AFF1: variants seen among roughly 807,000 people sequenced by gnomAD.
AFF1 encodes the protein AF4/FMR2 family member 1.
Under a neutral mutation model 121.7 loss-of-function variants are expected in AFF1, and 48 were observed. The observed-to-expected ratio is 0.39, with a 90% CI of 0.31 to 0.50. AFF1 has a LOEUF of 0.50. AFF1 is among the 20% of genes least tolerant of loss of function. The pLI, the probability that AFF1 is intolerant of heterozygous loss-of-function variation, is 0.76. For synonymous variants in AFF1, 613 were observed against 563.0 expected (o/e 1.09, Z -1.26); for missense variants, 1,523 against 1,511.7 (o/e 1.01, Z -0.12).
intron 2 of AFF1, among the ~76,000 whole-genome samples, chr4:86,952,953 AC>A (rs1721473762): frequency 1.4e-5 from 1 of 69,916 alleles, no homozygotes; most frequent in African/African-American, 5.1e-5. Flanking sequence ...GTTCCCCTCC[AC>A]CCCCACTACC....
intron 1 of AFF1, among the ~76,000 whole-genome samples, chr4:86,937,806 T>C (rs891462066): frequency 2.9e-4 from 44 of 151,516 alleles, no homozygotes; most frequent in African/African-American, 1.0e-3. Context: ...GGGGGCTCCC[T>C]ATGTTACCCA....
chr4:86,941,986 A>G (rs903703985), intron 1 of AFF1, among the ~76,000 whole-genome samples: 3 of 152,000 alleles, frequency 2.0e-5, no homozygotes, highest in African/African-American at 7.3e-5. Context: ...CAATATAGCA[A>G]TATCTTCTTT....
intron 2 of AFF1, among the ~76,000 whole-genome samples, chr4:87,013,512 A>G (rs968683149): frequency 3.3e-5 from 5 of 152,158 alleles, no homozygotes; most frequent in African/African-American, 4.8e-5. Flanking sequence ...ATGTTTTCAA[A>G]GGGCACTCAC....
In AFF1 at chr4:87,008,807, G is replaced by A. The variant is rs143540770; in HGVS notation, c.39-37359G>A. Among the ~76,000 whole-genome samples, 601 of 152,228 alleles carry A rather than the reference G, an allele frequency of 3.9e-3. 5 individuals are homozygous for A. The highest frequency in any genetic ancestry group is 0.014 in the African/African-American group (578 of 41,552). On this transcript the variant is annotated intron_variant, in intron 2 of 20. Transcript: ENST00000395146. ...TTATCTTGCTTAATTCAGTAGTAAA[G>A]AAAAACACTACTGTACCATTGATTT...
In AFF1 at chr4:86,948,544, CAGAA is replaced by C. The variant is rs1311148941; in HGVS notation, c.15_18del (p.Arg6SerfsTer68). ...CATTGACTGGAAACAATGGCATTTACAGAAAGAGTCAACAGCAGTGGCAACAGGT... is the reference window on the plus strand; with the variant it reads ...CATTGACTGGAAACAATGGCATTTACAGAGTCAACAGCAGTGGCAACAGGT... On this transcript the variant is annotated frameshift_variant, in exon 2 of 21. Coordinates refer to ENST00000395146, the MANE Select transcript of AFF1 (RefSeq NM_001166693.3). LOFTEE classifies it high-confidence loss of function. 6.5e-7 allele frequency: 1 copy of C among 1,536,878 alleles called. No homozygotes were observed. The highest frequency in any genetic ancestry group is 8.7e-7 in the Non-Finnish European group (1 of 1,146,686).
chr4:87,058,462 C>T (rs1372584207), intron 4 of AFF1, among the ~76,000 whole-genome samples: 1 of 152,100 alleles, frequency 6.6e-6, no homozygotes, highest in Non-Finnish European at 1.5e-5. Flanking sequence ...TCCTACCTTT[C>T]AGAGAAGGAA....
chr4:87,004,117 C>A (rs1032166133), intron 2 of AFF1, among the ~76,000 whole-genome samples: 1 of 152,192 alleles, frequency 6.6e-6, no homozygotes, highest in African/African-American at 2.4e-5. Context: ...CAACTAGGAT[C>A]TGGAGTCTGT....
intron 5 of AFF1, among the ~76,000 whole-genome samples, chr4:87,087,059 A>T (rs1469090755): frequency 6.6e-6 from 1 of 152,222 alleles, no homozygotes; most frequent in Non-Finnish European, 1.5e-5. Flanking sequence ...TGGTGGGTGC[A>T]TGGAGACACC....
intron 2 of AFF1, among the ~76,000 whole-genome samples, chr4:86,995,460 C>T (rs1190812848): frequency 1.3e-5 from 2 of 151,104 alleles, no homozygotes; most frequent in African/African-American, 2.4e-5. Flanking sequence ...TGCAGGCGCG[C>T]GCCGCCACGC....
chr4:86,962,723 C>G (rs1463925304), intron 2 of AFF1, among the ~76,000 whole-genome samples: 1 of 152,118 alleles, frequency 6.6e-6, no homozygotes, highest in Non-Finnish European at 1.5e-5. Flanking sequence ...GATGATGAGT[C>G]TGATTTTTGT....
At chr4:87,072,528 A>G (rs1236180802) in intron 4 of AFF1, among the ~76,000 whole-genome samples, 2 of 151,526 alleles carry the variant, frequency 1.3e-5, no homozygotes, top group Admixed American at 1.3e-4. Context: ...TTATTTTTAT[A>G]TTTATATTTT....
At chr4:87,008,486 A>C (rs112565439) in intron 2 of AFF1, among the ~76,000 whole-genome samples, 2 of 152,176 alleles carry the variant, frequency 1.3e-5, no homozygotes, top group East Asian at 3.8e-4. Flanking sequence ...TCTTCTCAAC[A>C]CAGTGGTTTA....
In AFF1 at chr4:87,010,712, C is replaced by T. The variant is rs557060415; in HGVS notation, c.39-35454C>T. Among the ~76,000 whole-genome samples the T allele has an allele frequency of 1.1e-4, 16 of 152,308 alleles. No individual in the cohort carries two copies. The South Asian group carries it at 2.3e-3, about 22-fold the overall frequency. ...TTTGCCTGATTCCCACCTCCGCTAA[C>T]CCTCTCATTGAAGCAGATCCCTGAA... On this transcript the variant is annotated intron_variant, in intron 2 of 20. Coordinates refer to ENST00000395146, the MANE Select transcript of AFF1 (RefSeq NM_001166693.3).
chr4:87,084,550 CAATAAATAAATAAATAAATAAATA>C (rs58068934), intron 5 of AFF1, among the ~76,000 whole-genome samples: 114 of 136,956 alleles, frequency 8.3e-4, no homozygotes, highest in African/African-American at 1.8e-3. Context: ...ACTATGTCTC[CAATAAATAAATAAATAAATAAATA>C]AATAAATAAA....
chr4:87,027,592 T>A (rs919697400), intron 2 of AFF1, among the ~76,000 whole-genome samples: 2 of 152,216 alleles, frequency 1.3e-5, no homozygotes, highest in Non-Finnish European at 2.9e-5. Context: ...CCACAGTGTT[T>A]TGACCAAATT....
At chr4:87,109,567 T>C (rs995393874) in intron 11 of AFF1, among the ~76,000 whole-genome samples, 1 of 152,248 alleles carries the variant, frequency 6.6e-6, no homozygotes, top group African/African-American at 2.4e-5. Flanking sequence ...CTGAATATGC[T>C]GTGCAGACAA....
At chr4:87,036,906 G>A (rs941650499) in intron 2 of AFF1, 9 of 408,194 alleles carry the variant, frequency 2.2e-5, no homozygotes, top group African/African-American at 6.5e-5. Flanking sequence ...ACCTGGGCTC[G>A]CTGTAACCTC....
At chr4:86,947,751 A>G (rs997291841) in intron 1 of AFF1, among the ~76,000 whole-genome samples, 3 of 151,788 alleles carry the variant, frequency 2.0e-5, no homozygotes, top group Non-Finnish European at 4.4e-5. Context: ...TTGGATAATA[A>G]TTTTTCCCCC....
At position 87,134,684 on chromosome 4, in the gene AFF1, G is replaced by A; in HGVS notation, c.3525G>A (p.Arg1175=). 1 of 1,612,662 alleles carries A rather than the reference G, an allele frequency of 6.2e-7. No homozygotes were observed. Among genetic ancestry groups the A allele is most frequent in the Non-Finnish European group, 8.5e-7 (1 of 1,179,052 alleles). Residue 1175 remains arginine (R), a synonymous_variant, in exon 20 of 21, where the codon AGG becomes AGA. Transcript: ENST00000395146. ...DLWEQAEALT[R]KNKEFFARLS... is the part of the protein sequence containing the mutation. ...GGGAACAGGCCGAGGCCCTCACGAG[G>A]AAGAATAAAGGTAAATAAATGGCTT... is the stretch of plus-strand genomic sequence containing the variant.
Sources: gnomAD v4.1 joint callset for allele counts (sites outside exome capture counted in the v4.1 genomes callset) on GRCh38, gnomAD v4.1.1 for gene constraint, MANE v1.5 for transcripts, NCBI Gene and HGNC (gene_info 2026-07-23, HGNC 2026-07-21) for gene names.